Variants in PTPRD observed in about 807,000 individuals in gnomAD.
PTPRD encodes the protein receptor-type tyrosine-protein phosphatase delta.
A neutral mutation model predicts 214.5 loss-of-function variants in PTPRD; 34 were observed. The ratio of observed to expected loss-of-function variants is 0.16; its 90% confidence interval spans 0.12 to 0.21. The LOEUF is 0.21. PTPRD is among the 10% of genes least tolerant of loss of function. PTPRD has a pLI of 1.00. For missense variants in PTPRD, 2,545 were observed against 2,398.7 expected, an observed-to-expected ratio of 1.06 and a Z score of -1.27; for synonymous variants, 1,128 against 845.7, an observed-to-expected ratio of 1.33 and a Z score of -5.79.
chr9:9,456,516 C>A (rs890202252), intron 8 of PTPRD, among the ~76,000 whole-genome samples: 1 of 151,728 alleles, frequency 6.6e-6, no homozygotes, highest in Non-Finnish European at 1.5e-5. Context: ...AAAACCCAAA[C>A]CAAACCAGAT....
At chr9:9,892,912 A>G (rs1566060860) in intron 5 of PTPRD, among the ~76,000 whole-genome samples, 1 of 152,096 alleles carries the variant, frequency 6.6e-6, no homozygotes, top group African/African-American at 2.4e-5. Context: ...TCAGTCTGAA[A>G]AAATAAAAGG....
At chr9:10,276,102 C>T (rs1449614233) in intron 3 of PTPRD, among the ~76,000 whole-genome samples, 1 of 152,156 alleles carries the variant, frequency 6.6e-6, no homozygotes, top group African/African-American at 2.4e-5. Context: ...AAAGTTTTTA[C>T]AACAATGCCA....
At chr9:8,983,201 A>T (rs1288594211) in intron 11 of PTPRD, among the ~76,000 whole-genome samples, 1 of 152,092 alleles carries the variant, frequency 6.6e-6, no homozygotes, top group Non-Finnish European at 1.5e-5. Flanking sequence ...AAATTAACCT[A>T]CCTGGATGTG....
intron 9 of PTPRD, among the ~76,000 whole-genome samples, chr9:9,376,268 A>C (rs1030864386): frequency 1.3e-5 from 2 of 152,144 alleles, no homozygotes; most frequent in Non-Finnish European, 2.9e-5. Flanking sequence ...TATGGCAAAC[A>C]AATGCCTGGA....
chr9:9,421,814 A>C (rs1286726326), intron 8 of PTPRD, among the ~76,000 whole-genome samples: 2 of 152,162 alleles, frequency 1.3e-5, no homozygotes, highest in Non-Finnish European at 2.9e-5. Context: ...CATTCTTGGC[A>C]CATGGTGTGC....
chr9:10,462,773 A>G (rs1204591730), intron 2 of PTPRD, among the ~76,000 whole-genome samples: 1 of 151,950 alleles, frequency 6.6e-6, no homozygotes, highest in Non-Finnish European at 1.5e-5. Context: ...CTTTGTTGAA[A>G]GAGATACTAG....
chr9:9,281,568 G>T (rs1947711266), intron 9 of PTPRD, among the ~76,000 whole-genome samples: 1 of 151,244 alleles, frequency 6.6e-6, no homozygotes, highest in African/African-American at 2.4e-5. Flanking sequence ...ACCTATATTA[G>T]AGTGTCCACA....
intron 2 of PTPRD, among the ~76,000 whole-genome samples, chr9:10,380,379 G>T (rs1197248324): frequency 2.0e-5 from 3 of 152,032 alleles, no homozygotes; most frequent in Non-Finnish European, 4.4e-5. Flanking sequence ...AAATATGAGA[G>T]TAAGATGGTT....
At chr9:9,694,676 A>T (rs762466570) in intron 7 of PTPRD, among the ~76,000 whole-genome samples, 8 of 152,112 alleles carry the variant, frequency 5.3e-5, no homozygotes, top group Non-Finnish European at 1.2e-4. Flanking sequence ...CTGGCACTCA[A>T]ACTACCACAC....
chr9:8,377,458 A>C (rs898180158), intron 37 of PTPRD, among the ~76,000 whole-genome samples: 103 of 152,256 alleles, frequency 6.8e-4, no homozygotes, highest in African/African-American at 2.4e-3. Context: ...AACACACAAC[A>C]AAGAATAATT....
chr9:9,259,564 A>G (rs1320922120), intron 9 of PTPRD, among the ~76,000 whole-genome samples: 2 of 151,954 alleles, frequency 1.3e-5, no homozygotes, highest in African/African-American at 4.8e-5. Context: ...TAACCAAATT[A>G]AAGGAAGTAC....
rs190140291 is a variant in PTPRD, at chr9:9,303,001, A to C, written c.-203+94448T>G. Among the ~76,000 whole-genome samples the C allele has an allele frequency of 5.4e-4, 82 of 152,042 alleles. 1 individual carries two copies. The highest frequency in any genetic ancestry group is 3.9e-3 in the Admixed American group (60 of 15,218). The stretch of plus-strand genomic sequence containing the variant: ...TCTATGCTATTCAAGGGCATGTCCT[A>C]CTATACTGCTTGTCAGTAAATATTC... On this transcript the variant is annotated intron_variant, in intron 9 of 45. Coordinates refer to ENST00000381196, the MANE Select transcript of PTPRD (RefSeq NM_002839.4).
chr9:10,511,894 A>G (rs1171540175), intron 2 of PTPRD, among the ~76,000 whole-genome samples: 5 of 137,186 alleles, frequency 3.6e-5, no homozygotes, highest in East Asian at 4.2e-4. Context: ...ACACACACAC[A>G]TATATATACA....
chr9:8,501,921 A>G (rs1302739744), intron 23 of PTPRD, among the ~76,000 whole-genome samples: 21 of 152,208 alleles, frequency 1.4e-4, no homozygotes, highest in African/African-American at 4.8e-4. Context: ...ATAATCATTT[A>G]TCCCTTACAA....
At chr9:8,485,150 T>A in intron 29 of PTPRD, 77 bp downstream of exon 29, 1 of 1,234,468 alleles carries the variant, frequency 8.1e-7, no homozygotes, top group East Asian at 2.4e-5. Flanking sequence ...GTCTGCTTGC[T>A]GTGCAAATAA....
chr9:8,392,936 A>C (rs1367029228), intron 36 of PTPRD, among the ~76,000 whole-genome samples: 2 of 152,170 alleles, frequency 1.3e-5, no homozygotes, highest in Non-Finnish European at 2.9e-5. Flanking sequence ...TTGGAAGCTA[A>C]AGTTAATCAG....
intron 2 of PTPRD, among the ~76,000 whole-genome samples, chr9:10,486,823 G>C (rs962213604): frequency 3.3e-5 from 5 of 152,018 alleles, no homozygotes; most frequent in African/African-American, 4.8e-5. Context: ...AGTTCCATTT[G>C]GTCTTTAGTA....
At chr9:8,562,117 C>G (rs955748088) in intron 14 of PTPRD, among the ~76,000 whole-genome samples, 1 of 152,000 alleles carries the variant, frequency 6.6e-6, no homozygotes, top group African/African-American at 2.4e-5. Flanking sequence ...GGTATATATC[C>G]AAAATGGTGA....
At chr9:8,911,809 A>T (rs2098750261) in intron 11 of PTPRD, among the ~76,000 whole-genome samples, 1 of 152,210 alleles carries the variant, frequency 6.6e-6, no homozygotes, top group Admixed American at 6.5e-5. Context: ...TAAATAACTC[A>T]TAAACTTCAA....
Sources: gnomAD v4.1 joint callset for allele counts (sites outside exome capture counted in the v4.1 genomes callset) on GRCh38, gnomAD v4.1.1 for gene constraint, MANE v1.5 for transcripts, NCBI Gene and HGNC (gene_info 2026-07-23, HGNC 2026-07-21) for gene names.